TGM7: variants seen among roughly 807,000 people sequenced by gnomAD.
The protein encoded by TGM7 is protein-glutamine gamma-glutamyltransferase Z.
TGM7 carries 74 observed loss-of-function variants against 79.5 expected under a neutral mutation model. The observed-to-expected ratio is 0.93, with a 90% CI of 0.77 to 1.13. The LOEUF is 1.13. TGM7 is among the 50% of genes most tolerant of loss of function. The pLI is 0.00. For synonymous variants in TGM7, 354 were observed against 362.5 expected (o/e 0.98, Z 0.27); for missense variants, 912 against 905.9 (o/e 1.01, Z -0.09).
At position 43,276,864 on chromosome 15, in the gene TGM7, C is replaced by T. The variant is rs2042880341; in HGVS notation, c.1971G>A (p.Lys657=). ...GSGLINGQIA[K]DLGTLVAGHT... ...AGGTGGGCAGAAGCGTCACTTACTCCTTTGCTATCTGCCCATTGATGAGGC... is the reference window on the plus strand; with the variant it reads ...AGGTGGGCAGAAGCGTCACTTACTCTTTTGCTATCTGCCCATTGATGAGGC... The change falls in exon 12 of 13, where the codon AAG becomes AAA. Residue 657 remains lysine, a splice_region_variant and synonymous_variant. Coordinates refer to ENST00000452443, the MANE Select transcript of TGM7 (RefSeq NM_052955.3). 3 of 1,613,864 alleles carry T rather than the reference C, an allele frequency of 1.9e-6. No homozygotes were observed. The African/African-American group carries it at 4.0e-5, about 22-fold the overall frequency.
chr15:43,297,727 A>G (rs2043006673), intron 1 of TGM7, among the ~76,000 whole-genome samples: 1 of 152,170 alleles, frequency 6.6e-6, no homozygotes, highest in Admixed American at 6.5e-5. Flanking sequence ...AAAACCCAAG[A>G]CAGCCCTGCC....
intron 11 of TGM7, among the ~76,000 whole-genome samples, chr15:43,278,486 G>A (rs941401003): frequency 1.3e-5 from 2 of 152,138 alleles, no homozygotes; most frequent in African/African-American, 4.8e-5. Context: ...GTTGAGACAA[G>A]GTCTCACTCT....
chr15:43,299,808 G>A (rs572665962), intron 1 of TGM7, among the ~76,000 whole-genome samples: 109 of 152,256 alleles, frequency 7.2e-4, no homozygotes, highest in Non-Finnish European at 1.2e-3. Flanking sequence ...CTTACAAAAT[G>A]TGAAAGAGTA....
intron 4 of TGM7, among the ~76,000 whole-genome samples, chr15:43,289,514 C>A (rs938521956): frequency 6.6e-6 from 1 of 152,148 alleles, no homozygotes; most frequent in Non-Finnish European, 1.5e-5. Flanking sequence ...AATTGTGCCG[C>A]AATAAACATA....
chr15:43,289,547 A>T (rs1239209477), intron 4 of TGM7, among the ~76,000 whole-genome samples: 1 of 152,146 alleles, frequency 6.6e-6, no homozygotes, highest in Non-Finnish European at 1.5e-5. Flanking sequence ...TCTTTATAGC[A>T]GCATGATTTA....
rs1306379220 is a variant in TGM7, at chr15:43,279,687, C to T, written c.1616G>A (p.Gly539Glu). ...VRFCAQALLH[G>E]GGTQKPFWRH... The stretch of plus-strand genomic sequence containing the variant: ...CCAGAAGGGCTTCTGGGTACCACCC[C>T]CATGCAGCAGGGCCTGTGCACAGAA... Residue 539 changes from glycine (G) to glutamate (E), a missense_variant, in exon 10 of 13, where the codon GGG becomes GAG. Physicochemically the swap from Gly to Glu is moderately conservative, Grantham distance 98. Transcript: ENST00000452443. 3 of 1,613,502 alleles carry T rather than the reference C, an allele frequency of 1.9e-6. No individual in the cohort carries two copies. The highest frequency in any genetic ancestry group is 2.5e-6 in the Non-Finnish European group (3 of 1,179,758).
chr15:43,280,410 G>T lies in TGM7; in HGVS notation c.1352-459C>A, dbSNP rs544394242. Reference sequence around the variant, plus strand: ...AGGTTGAGATGGGTGGATCGCCTGAGGTCAGGAGTTTGAGACCAGACTGGC... The same window carrying T: ...AGGTTGAGATGGGTGGATCGCCTGATGTCAGGAGTTTGAGACCAGACTGGC... On this transcript the variant is annotated intron_variant, in intron 9 of 12. Coordinates refer to ENST00000452443, the MANE Select transcript of TGM7 (RefSeq NM_052955.3). 1.1e-4 allele frequency among the ~76,000 whole-genome samples: 16 copies of T among 152,278 alleles called. 2 individuals are homozygous for T. In the South Asian group the frequency reaches 3.3e-3, roughly 32 times the overall value.
rs371517190 is a variant in TGM7, at chr15:43,279,167, T to A, written c.1789A>T (p.Met597Leu). 3.5e-5 allele frequency: 57 copies of A among 1,614,026 alleles called. No homozygotes were observed. Among genetic ancestry groups the A allele is most frequent in the Admixed American group, 1.7e-5 (1 of 60,000 alleles). Residue 597 changes from methionine to leucine, a missense_variant, in exon 11 of 13, where the codon ATG becomes TTG. Met to Leu is a conservative substitution (Grantham distance 15). Coordinates refer to ENST00000452443, the MANE Select transcript of TGM7 (RefSeq NM_052955.3). ...AGACAGATATCTTTTAGGACCAGCATGGACCTCCCTGTCTCTTCAACCTCC... is the reference window on the plus strand; with the variant it reads ...AGACAGATATCTTTTAGGACCAGCAAGGACCTCCCTGTCTCTTCAACCTCC... ...IAEVEETGRS[M>L]LVLKDICLEP...
Position 43,276,366 on chromosome 15 carries a change from G to T in TGM7, c.*89C>A. On this transcript the variant is annotated 3_prime_UTR_variant, in exon 13 of 13. Transcript: ENST00000452443. ...TCATTCCCAGGCAGGCTAGAGAGAG[G>T]ACAGAGGTGGAGCCAAGACGACATA... is the stretch of plus-strand genomic sequence containing the variant. The T allele has an allele frequency of 1.4e-6, 2 of 1,459,522 alleles. No individual in the cohort carries two copies. The highest frequency in any genetic ancestry group is 1.9e-6 in the Non-Finnish European group (2 of 1,077,990). The allele number at this position is 1,459,522 out of a possible 1,614,324, so 90.4% of individuals were successfully genotyped here. A position where few individuals can be genotyped will look rare whatever the true frequency, so the allele number is the denominator to read the frequency against.
Position 43,292,952 on chromosome 15 carries a change from G to A in TGM7, c.196C>T (p.Pro66Ser), listed in dbSNP as rs1335159142. Residue 66 changes from proline to serine, a missense_variant and splice_region_variant, in exon 3 of 13, where the codon CCC becomes TCC. By Grantham distance (74) the Pro-to-Ser change is moderately conservative. Coordinates refer to ENST00000452443, the MANE Select transcript of TGM7 (RefSeq NM_052955.3). ...GTCCCCAGCAGCTCTGACGGCTTGG[G>A]TCCTGTGTAGGAGAGAATGACCCCA... ...DHITFVAETGPKPSELLGTRA... is the reference protein window; with the variant it reads ...DHITFVAETGSKPSELLGTRA... The A allele has an allele frequency of 1.2e-6, 2 of 1,613,036 alleles. No individual in the cohort carries two copies. The highest frequency in any genetic ancestry group is 8.5e-7 in the Non-Finnish European group (1 of 1,179,866).
chr15:43,286,187 C>A (rs577239649), intron 6 of TGM7, among the ~76,000 whole-genome samples: 1 of 152,162 alleles, frequency 6.6e-6, no homozygotes, highest in South Asian at 2.1e-4. Flanking sequence ...CCTTAGCAGG[C>A]GTGGGAGCTA....
intron 12 of TGM7, 32 bp downstream of exon 12, chr15:43,276,830 G>A (rs1377643869): frequency 1.9e-6 from 3 of 1,608,898 alleles, no homozygotes; most frequent in East Asian, 2.2e-5. Flanking sequence ...CCTGAGACCA[G>A]CAAGGGGGAG....
In TGM7 at chr15:43,276,523, T is replaced by C; in HGVS notation, c.2065A>G (p.Ser689Gly). The C allele has an allele frequency of 6.2e-7, 1 of 1,614,150 alleles. No homozygotes were observed. The highest frequency in any genetic ancestry group is 8.5e-7 in the Non-Finnish European group (1 of 1,180,006). Reference sequence around the variant, plus strand: ...TTGATCTCCTTGACCTCGTTGCTGCTGATGAGAACCTGGAGCTGGCGGGGT... The same window carrying C: ...TTGATCTCCTTGACCTCGTTGCTGCCGATGAGAACCTGGAGCTGGCGGGGT... ...AGPRQLQVLI[S>G]SNEVKEIKGY... Residue 689 changes from serine to glycine, a missense_variant, in exon 13 of 13, where the codon AGC (serine) becomes GGC (glycine). Ser to Gly is a moderately conservative substitution (Grantham distance 56, BLOSUM62 0). Coordinates refer to ENST00000452443, the MANE Select transcript of TGM7 (RefSeq NM_052955.3).
Position 43,276,456 on chromosome 15 carries a change from C to T in TGM7, c.2132G>A (p.Ter711=), listed in dbSNP as rs2042877641. ...GGGAGGGCAGCTGGAGGGCGGGTCTCAGGGAGCCCCAGCCACAGTGACGAA... is the reference window on the plus strand; with the variant it reads ...GGGAGGGCAGCTGGAGGGCGGGTCTTAGGGAGCCCCAGCCACAGTGACGAA... ...DIFVTVAGAP[*] Residue 711 remains the stop codon, a stop_retained_variant, in exon 13 of 13, where the codon TGA becomes TAA. Coordinates refer to ENST00000452443, the MANE Select transcript of TGM7 (RefSeq NM_052955.3). 1.9e-6 allele frequency: 3 copies of T among 1,611,282 alleles called. No individual in the cohort carries two copies. Among genetic ancestry groups the T allele is most frequent in the East Asian group, 2.2e-5 (1 of 44,854 alleles).
chr15:43,277,253 C>T (rs970121172), intron 11 of TGM7, among the ~76,000 whole-genome samples: 1 of 152,224 alleles, frequency 6.6e-6, no homozygotes, highest in Non-Finnish European at 1.5e-5. Context: ...TCTGTCCCCA[C>T]CATCTAGTTC....
chr15:43,282,378 C>A (rs1008896075), intron 8 of TGM7, 139 bp downstream of exon 8: 2 of 825,520 alleles, frequency 2.4e-6, no homozygotes. Flanking sequence ...GATTCCTGAT[C>A]TGAAGCTGTG....
intron 1 of TGM7, among the ~76,000 whole-genome samples, chr15:43,297,771 T>G (rs773929873): frequency 3.5e-4 from 54 of 152,212 alleles, no homozygotes; most frequent in Non-Finnish European, 1.2e-4. Context: ...ACTCGGGTCT[T>G]GGCTCAGCAG....
intron 6 of TGM7, among the ~76,000 whole-genome samples, chr15:43,287,016 C>A (rs2042938789): frequency 6.6e-6 from 1 of 152,186 alleles, no homozygotes; most frequent in African/African-American, 2.4e-5. Flanking sequence ...TGCTTCGGGA[C>A]CACAAACTCC....
At position 43,279,618 on chromosome 15, in the gene TGM7, C is replaced by T. The variant is rs767575211; in HGVS notation, c.1678+7G>A. 1.3e-6 allele frequency: 2 copies of T among 1,571,988 alleles called. No individual in the cohort carries two copies. Among genetic ancestry groups the T allele is most frequent in the Admixed American group, 1.8e-5 (1 of 55,980 alleles). On this transcript the variant is annotated splice_region_variant and intron_variant, in intron 10 of 12. Coordinates refer to ENST00000452443, the MANE Select transcript of TGM7 (RefSeq NM_052955.3). ...TAGGTGCCTTCTCAGGCCTGCCTCA[C>T]ACTCACCCTTCCCAAAGTCCAGGTT...
Sources: allele counts gnomAD v4.1 joint callset (sites outside exome capture counted in the v4.1 genomes callset), GRCh38; gene constraint gnomAD v4.1.1; transcripts MANE v1.5; gene names NCBI Gene and HGNC (gene_info 2026-07-23, HGNC 2026-07-21).